The following DNAAF5 variants were observed in gnomAD, a reference collection of about 807,000 sequenced individuals.
DNAAF5 encodes the protein HEAT repeat containing 2.
In DNAAF5, 64 loss-of-function variants were observed where a neutral mutation model predicts 75.8. The ratio of observed to expected loss-of-function variants is 0.84; its 90% CI spans 0.69 to 1.04. The LOEUF is 1.04. Among genes scored for constraint, DNAAF5 ranks in the 50% least tolerant of loss-of-function variants. The probability of loss-of-function intolerance (pLI) is 0.00; values close to 1 mark genes in which losing one functional copy is unlikely to be tolerated. For synonymous variants in DNAAF5, 657 were observed against 557.2 expected (o/e 1.18, Z -2.52); for missense variants, 1,269 against 1,178.5 (o/e 1.08, Z -1.12).
rs1782509314 is a variant in DNAAF5, at chr7:757,068, ATGTC to A, written c.1470+78_1470+81del. ...CCCGGCCGTCAGCCATCGTAATGAC[ATGTC>A]TGTGGGTTGCCCTGTGCCGCCAGGC... On this transcript the variant is annotated intron_variant, in intron 6 of 12. Coordinates refer to ENST00000297440, the MANE Select transcript of DNAAF5 (RefSeq NM_017802.4). 7.7e-6 allele frequency: 11 copies of A among 1,428,802 alleles called. No homozygotes were observed. The South Asian group carries it at 1.4e-4, about 18-fold the overall frequency. 88.5% of individuals were successfully genotyped at this position (1,428,802 alleles called of 1,614,324 possible). A position where few individuals can be genotyped will look rare whatever the true frequency, so the allele number is the denominator to read the frequency against.
chr7:784,291 T>A (rs1486220198), intron 12 of DNAAF5, among the ~76,000 whole-genome samples: 2 of 152,126 alleles, frequency 1.3e-5, no homozygotes, highest in Non-Finnish European at 2.9e-5. Flanking sequence ...TCAGAGCTCT[T>A]CTCCTGGCCT....
rs748902502 is a variant in DNAAF5, at chr7:741,468, G to C, written c.1024+3G>C. On this transcript the variant is annotated splice_donor_region_variant and intron_variant, in intron 4 of 12. Coordinates refer to ENST00000297440, the MANE Select transcript of DNAAF5 (RefSeq NM_017802.4). ...CCCACCCCATTACCCTCCACATGGT[G>C]AGTGACCGCGGCAGAGGGGAGCGCC... The C allele has an allele frequency of 6.6e-7, 1 of 1,519,226 alleles. No individual in the cohort carries two copies. Among genetic ancestry groups the C allele is most frequent in the Admixed American group, 1.9e-5 (1 of 51,972 alleles). 94.1% of individuals were successfully genotyped at this position (1,519,226 alleles called of 1,614,324 possible).
chr7:764,385 C>T (rs1029044317), intron 8 of DNAAF5, among the ~76,000 whole-genome samples: 5 of 152,236 alleles, frequency 3.3e-5, no homozygotes, highest in African/African-American at 1.2e-4. Context: ...TTTGAGCCTG[C>T]GGATCAGCCA....
chr7:732,635 CCTT>C (rs1194167478), intron 2 of DNAAF5: 3 of 455,878 alleles, frequency 6.6e-6, no homozygotes, highest in Middle Eastern at 3.2e-4. Flanking sequence ...CATTTGTATG[CCTT>C]CTTTTGAGAA....
At chr7:729,530 C>T in intron 1 of DNAAF5, 133 bp from the exon 2 acceptor site, 1 of 784,018 alleles carries the variant, frequency 1.3e-6, no homozygotes, top group East Asian at 2.7e-5. Context: ...ACTGTTCATG[C>T]AGCAAGGACC....
intron 4 of DNAAF5, among the ~76,000 whole-genome samples, chr7:744,448 T>C (rs1255332220): frequency 2.6e-5 from 4 of 152,224 alleles, no homozygotes; most frequent in Admixed American, 6.5e-5. Flanking sequence ...CCTTTGGGTA[T>C]ATACCCAGTA....
intron 4 of DNAAF5, among the ~76,000 whole-genome samples, chr7:745,668 C>T (rs1479284373): frequency 6.7e-6 from 1 of 148,924 alleles, no homozygotes; most frequent in East Asian, 2.1e-4. Context: ...TATCCTCACA[C>T]ACGTGTACAC....
In DNAAF5 at chr7:741,456, C is replaced by G; in HGVS notation, c.1015C>G (p.Pro339Ala). The change falls in exon 4 of 13, where the codon CCT (proline) becomes GCT (alanine). Residue 339 changes from proline to alanine, a missense_variant. Pro to Ala is a conservative substitution (Grantham distance 27). Coordinates refer to ENST00000297440, the MANE Select transcript of DNAAF5 (RefSeq NM_017802.4). ...DFAPPTPPHY[P>A]PHERRPVLGC... The stretch of plus-strand genomic sequence containing the variant: ...TGCCCCTCCCACCCCACCCCATTAC[C>G]CTCCACATGGTGAGTGACCGCGGCA... 7.3e-7 allele frequency: 1 copy of G among 1,369,886 alleles called. No homozygotes were observed. The highest frequency in any genetic ancestry group is 1.2e-5 in the South Asian group (1 of 82,024). 84.9% of individuals were successfully genotyped at this position (1,369,886 alleles called of 1,614,324 possible).
chr7:746,423 A>G (rs35083716), intron 4 of DNAAF5, among the ~76,000 whole-genome samples: 2,933 of 8,902 alleles, frequency 0.33, 1,000 homozygotes, highest in Middle Eastern at 0.5. Context: ...GCTGCCCCCC[A>G]CCCAACATGC....
In DNAAF5 at chr7:753,037, A is replaced by T. The variant is rs868607311; in HGVS notation, c.1025-1552A>T. 2.2e-4 allele frequency among the ~76,000 whole-genome samples: 33 copies of T among 152,384 alleles called. No individual in the cohort carries two copies. The Middle Eastern group carries it at 0.014, about 63-fold the overall frequency. ...CACTGTGCCTCTCGGACTGCTTTCAATTCAAGACTGAGCGTACCGCGTGCC... is the reference window on the plus strand; with the variant it reads ...CACTGTGCCTCTCGGACTGCTTTCATTTCAAGACTGAGCGTACCGCGTGCC... On this transcript the variant is annotated intron_variant, in intron 4 of 12. Coordinates refer to ENST00000297440, the MANE Select transcript of DNAAF5 (RefSeq NM_017802.4).
intron 4 of DNAAF5, chr7:750,991 A>G (rs1338141875): frequency 6.5e-6 from 1 of 154,718 alleles, no homozygotes; most frequent in African/African-American, 2.4e-5. Flanking sequence ...TAAAAATACA[A>G]AACTTAGCCA....
rs116367786 is a variant in DNAAF5, at chr7:746,511, C to T, written c.1024+5046C>T. On this transcript the variant is annotated intron_variant, in intron 4 of 12. Coordinates refer to ENST00000297440, the MANE Select transcript of DNAAF5 (RefSeq NM_017802.4). ...CCAGGGTTTGTGACGCCCTCCTTACCGTCCTGCCCTGTCCAGCGTCTGTGT... is the reference window on the plus strand; with the variant it reads ...CCAGGGTTTGTGACGCCCTCCTTACTGTCCTGCCCTGTCCAGCGTCTGTGT... 2.8e-3 allele frequency among the ~76,000 whole-genome samples: 385 copies of T among 139,260 alleles called. 7 individuals carry two copies. Among genetic ancestry groups the T allele is most frequent in the African/African-American group, 0.01 (365 of 35,302 alleles). The allele number at this position is 139,260 out of a possible 152,430, so 91.4% of individuals were successfully genotyped here.
chr7:766,830 C>G (rs1782835539), intron 8 of DNAAF5, among the ~76,000 whole-genome samples: 1 of 151,010 alleles, frequency 6.6e-6, no homozygotes, highest in Non-Finnish European at 1.5e-5. Flanking sequence ...AAAGCATTAA[C>G]TCCCAAACAA....
intron 2 of DNAAF5, among the ~76,000 whole-genome samples, chr7:734,832 C>G (rs926162610): frequency 2.6e-5 from 4 of 152,218 alleles, no homozygotes; most frequent in Non-Finnish European, 5.9e-5. Flanking sequence ...TCCATTTCTT[C>G]TAGGTTTTCC....
chr7:769,977 A>G (rs1214282937), intron 8 of DNAAF5, among the ~76,000 whole-genome samples: 1 of 151,488 alleles, frequency 6.6e-6, no homozygotes, highest in Non-Finnish European at 1.5e-5. Flanking sequence ...TTTGAGACAT[A>G]GTCTCACTTT....
chr7:773,221 C>T (rs34138610), intron 9 of DNAAF5, among the ~76,000 whole-genome samples: 4,679 of 152,328 alleles, frequency 0.031, 88 homozygotes, highest in Non-Finnish European at 0.048. Context: ...ACCACACCAA[C>T]GTCACTTTCC....
At chr7:783,602 G>A (rs1182059330) in intron 12 of DNAAF5, among the ~76,000 whole-genome samples, 1 of 152,212 alleles carries the variant, frequency 6.6e-6, no homozygotes, top group Non-Finnish European at 1.5e-5. Flanking sequence ...GTCTCTCCAG[G>A]TCACGGAAAG....
At chr7:780,245 C>T in intron 12 of DNAAF5, 101 bp downstream of exon 12, 1 of 1,106,490 alleles carries the variant, frequency 9.0e-7, no homozygotes, top group East Asian at 2.5e-5. Flanking sequence ...GGCCCTGGGG[C>T]ACAGGAGGGG....
rs1393068774 is a variant in DNAAF5, at chr7:763,879, T to C, written c.1688T>C (p.Ile563Thr). The C allele has an allele frequency of 3.7e-6, 6 of 1,613,340 alleles. No individual in the cohort carries two copies. The highest frequency in any genetic ancestry group is 1.3e-5 in the African/African-American group (1 of 75,068). The change falls in exon 8 of 13, where the codon ATT (isoleucine) becomes ACT (threonine). Residue 563 changes from isoleucine (I) to threonine (T), a missense_variant. Ile to Thr is a moderately conservative substitution (Grantham distance 89). Transcript: ENST00000297440. The part of the protein sequence containing the change: ...SSCQDLYRKH[I>T]GPLLERVTAS... ...TGCCAGGACCTCTACCGCAAGCACATTGGTCCCCTCCTGGAGCGGGTGACC... is the reference window on the plus strand; with the variant it reads ...TGCCAGGACCTCTACCGCAAGCACACTGGTCCCCTCCTGGAGCGGGTGACC...
Sources: gnomAD v4.1 joint callset for allele counts (sites outside exome capture counted in the v4.1 genomes callset) on GRCh38, gnomAD v4.1.1 for gene constraint, MANE v1.5 for transcripts, NCBI Gene and HGNC (gene_info 2026-07-23, HGNC 2026-07-21) for gene names.